TSGA10: variants seen among roughly 807,000 people sequenced by gnomAD.
TSGA10 encodes the protein testis specific 10, also known as testis-specific gene 10 protein.
TSGA10 carries 43 observed loss-of-function variants against 96.6 expected under a neutral mutation model. The observed-to-expected ratio is 0.44, with a 90% CI of 0.35 to 0.57. TSGA10 has a LOEUF of 0.57. Among genes scored for constraint, TSGA10 ranks in the 20% least tolerant of loss-of-function variants. The probability of loss-of-function intolerance (pLI) is 0.01; values close to 1 mark genes in which losing one functional copy is unlikely to be tolerated. For synonymous variants in TSGA10, 229 were observed against 269.9 expected, an observed-to-expected ratio of 0.85 and a Z score of 1.48; for missense variants, 703 against 834.4, an observed-to-expected ratio of 0.84 and a Z score of 1.94.
At chr2:99,153,930 G>A (rs3762472) in intron 1 of TSGA10, among the ~76,000 whole-genome samples, 9,093 of 152,268 alleles carry the variant, frequency 0.06, 528 homozygotes, top group East Asian at 0.21. Flanking sequence ...ATTAATTTCT[G>A]TGCAAGGTTG....
At chr2:99,129,362 T>G (rs2092967222) in intron 1 of TSGA10, among the ~76,000 whole-genome samples, 1 of 152,210 alleles carries the variant, frequency 6.6e-6, no homozygotes, top group Admixed American at 6.5e-5. Context: ...GTCAAAAAAT[T>G]TGTTGAGGTT....
chr2:99,070,562 CTT>C (rs973066210), intron 14 of TSGA10, among the ~76,000 whole-genome samples: 1 of 152,034 alleles, frequency 6.6e-6, no homozygotes, highest in Non-Finnish European at 1.5e-5. Context: ...AAACTCTTAA[CTT>C]TTTGTTTAGA....
Position 98,998,044 on chromosome 2 carries a change from G to A in TSGA10, c.*153C>T. 1 of 693,066 alleles carries A rather than the reference G, an allele frequency of 1.4e-6. No homozygotes were observed. Among genetic ancestry groups the A allele is most frequent in the South Asian group, 2.2e-5 (1 of 45,970 alleles). 42.9% of individuals were successfully genotyped at this position (693,066 alleles called of 1,614,324 possible). On this transcript the variant is annotated 3_prime_UTR_variant, in exon 21 of 21. Coordinates refer to ENST00000393483, the MANE Select transcript of TSGA10 (RefSeq NM_025244.4). ...AAGTCATCTCAGATCACTGCAACAT[G>A]GCACATTAGAACAGAGATTCAGAGA... is the stretch of plus-strand genomic sequence containing the variant.
At chr2:99,029,871 C>T (rs1308743408) in intron 17 of TSGA10, among the ~76,000 whole-genome samples, 2 of 152,132 alleles carry the variant, frequency 1.3e-5, no homozygotes, top group East Asian at 3.8e-4. Context: ...TGACACCGTG[C>T]TTAAGTACGA....
At chr2:99,124,381 A>T (rs993563279) in intron 2 of TSGA10, among the ~76,000 whole-genome samples, 3 of 152,108 alleles carry the variant, frequency 2.0e-5, no homozygotes, top group African/African-American at 7.2e-5. Flanking sequence ...CCCTTTTCAG[A>T]TATGTAATTT....
At chr2:99,153,831 T>A (rs1030832370) in intron 1 of TSGA10, among the ~76,000 whole-genome samples, 5 of 152,150 alleles carry the variant, frequency 3.3e-5, no homozygotes, top group African/African-American at 1.2e-4. Context: ...CCCTGGTCAT[T>A]TACCGTATCA....
At chr2:99,112,681 T>G (rs1056778621) in intron 4 of TSGA10, among the ~76,000 whole-genome samples, 3 of 151,634 alleles carry the variant, frequency 2.0e-5, no homozygotes, top group African/African-American at 7.3e-5. Flanking sequence ...TGGTTGGTTC[T>G]AAGTATGGAG....
intron 1 of TSGA10, among the ~76,000 whole-genome samples, chr2:99,137,694 T>C (rs966094834): frequency 2.0e-5 from 3 of 152,016 alleles, no homozygotes; most frequent in African/African-American, 7.3e-5. Context: ...CAGGGAATGG[T>C]TGCAGTATTT....
chr2:99,068,398 T>C (rs1286172835), intron 15 of TSGA10, among the ~76,000 whole-genome samples: 1 of 152,158 alleles, frequency 6.6e-6, no homozygotes, highest in Non-Finnish European at 1.5e-5. Flanking sequence ...TTGCCACACA[T>C]GCACCACACT....
chr2:99,138,734 T>A (rs2093418991), intron 1 of TSGA10, among the ~76,000 whole-genome samples: 1 of 152,208 alleles, frequency 6.6e-6, no homozygotes, highest in East Asian at 1.9e-4. Flanking sequence ...TCTTTCAGAA[T>A]TAAAAGTCCT....
At chr2:99,105,790 A>G in intron 7 of TSGA10, 93 bp from the exon 8 acceptor site, 1 of 931,964 alleles carries the variant, frequency 1.1e-6, no homozygotes, top group Non-Finnish European at 1.6e-6. Flanking sequence ...ATGCAAACCT[A>G]CATCAACATG....
At chr2:99,041,091 C>T (rs1344253422) in intron 16 of TSGA10, among the ~76,000 whole-genome samples, 1 of 152,160 alleles carries the variant, frequency 6.6e-6, no homozygotes, top group Non-Finnish European at 1.5e-5. Context: ...TTGCACTTAC[C>T]TATTTAGGAA....
rs769551848 is a variant in TSGA10, at chr2:99,078,670, A to G, written c.871T>C (p.Leu291=). The G allele has an allele frequency of 3.1e-6, 5 of 1,612,430 alleles. No individual in the cohort carries two copies. The highest frequency in any genetic ancestry group is 4.2e-6 in the Non-Finnish European group (5 of 1,179,528). ...SENIASLGES[L]AMKEKTISGM... ...TTCTCAGAACATACTTTCATTGCCA[A>G]ACTCTCTCCAAGGGATGCAATATTC... The change falls in exon 12 of 21, where the codon TTG becomes CTG. Residue 291 remains leucine (L), a synonymous_variant. Transcript: ENST00000393483.
At chr2:99,093,625 A>T (rs1033098090) in intron 10 of TSGA10, among the ~76,000 whole-genome samples, 3 of 152,136 alleles carry the variant, frequency 2.0e-5, no homozygotes, top group African/African-American at 4.8e-5. Context: ...CAGAAAATCA[A>T]ATCAAGAACT....
intron 16 of TSGA10, among the ~76,000 whole-genome samples, chr2:99,057,560 T>C (rs764099693): frequency 9.2e-5 from 14 of 152,126 alleles, no homozygotes; most frequent in Non-Finnish European, 1.6e-4. Flanking sequence ...ACCTAACTTA[T>C]ACTCTGAAAA....
chr2:99,104,619 C>G (rs534467275), intron 9 of TSGA10, among the ~76,000 whole-genome samples: 4 of 152,076 alleles, frequency 2.6e-5, no homozygotes, highest in Non-Finnish European at 5.9e-5. Flanking sequence ...GGACTACAGG[C>G]GCATGCCACC....
chr2:99,028,530 T>TTA (rs2080848036), intron 17 of TSGA10, among the ~76,000 whole-genome samples: 1 of 152,166 alleles, frequency 6.6e-6, no homozygotes. Context: ...TTAACTGTAG[T>TTA]TACCATGCTG....
At chr2:99,131,734 CA>C (rs1324955679) in intron 1 of TSGA10, among the ~76,000 whole-genome samples, 1 of 152,158 alleles carries the variant, frequency 6.6e-6, no homozygotes, top group Non-Finnish European at 1.5e-5. Flanking sequence ...TTTGTCCATT[CA>C]GTATGATATT....
At chr2:99,039,759 A>G (rs560585344) in intron 16 of TSGA10, among the ~76,000 whole-genome samples, 2 of 152,280 alleles carry the variant, frequency 1.3e-5, no homozygotes, top group South Asian at 4.1e-4. Context: ...AATGCTCCCT[A>G]AATCATTCTA....
Sources: allele counts gnomAD v4.1 joint callset (sites outside exome capture counted in the v4.1 genomes callset), GRCh38; gene constraint gnomAD v4.1.1; transcripts MANE v1.5; gene names NCBI Gene and HGNC (gene_info 2026-07-23, HGNC 2026-07-21).